The following SPOCK3 variants were observed in gnomAD, a reference collection of about 807,000 sequenced individuals.
SPOCK3 encodes the protein SPARC (osteonectin), cwcv and kazal like domains proteoglycan 3.
A neutral mutation model predicts 56.6 loss-of-function variants in SPOCK3; 30 were observed. That is an observed-to-expected ratio of 0.53 (90% CI 0.40 to 0.72). The LOEUF (loss-of-function observed/expected upper bound fraction) is 0.72. SPOCK3 is among the 30% of genes least tolerant of loss of function. The pLI, the probability that SPOCK3 is intolerant of heterozygous loss-of-function variation, is 0.00. For synonymous variants in SPOCK3, 196 were observed against 183.3 expected (o/e 1.07, Z -0.56); for missense variants, 527 against 530.0 (o/e 0.99, Z 0.06).
At chr4:166,855,865 G>T (rs539887871) in intron 6 of SPOCK3, among the ~76,000 whole-genome samples, 1 of 152,078 alleles carries the variant, frequency 6.6e-6, no homozygotes, top group Non-Finnish European at 1.5e-5. Flanking sequence ...CTGATTATCT[G>T]GGGAACACAT....
At chr4:166,821,419 G>T (rs1187597658) in intron 6 of SPOCK3, among the ~76,000 whole-genome samples, 1 of 151,980 alleles carries the variant, frequency 6.6e-6, no homozygotes, top group Non-Finnish European at 1.5e-5. Context: ...TAAACTTGCT[G>T]TATGACTCAA....
chr4:166,847,511 G>A (rs1748175669), intron 6 of SPOCK3, among the ~76,000 whole-genome samples: 1 of 151,492 alleles, frequency 6.6e-6, no homozygotes, highest in African/African-American at 2.4e-5. Context: ...TGGACACAGT[G>A]TTGTGATGGT....
At chr4:167,097,194 T>C (rs1759235205) in intron 2 of SPOCK3, among the ~76,000 whole-genome samples, 1 of 151,900 alleles carries the variant, frequency 6.6e-6, no homozygotes, top group African/African-American at 2.4e-5. Context: ...GGGCTTTGGG[T>C]TAATATCTAA....
chr4:167,228,415 A>T (rs1736811732), intron 2 of SPOCK3, among the ~76,000 whole-genome samples: 1 of 152,108 alleles, frequency 6.6e-6, no homozygotes, highest in Non-Finnish European at 1.5e-5. Context: ...GCTTCTCTTT[A>T]ATTTCTGTTA....
chr4:166,745,674 G>A (rs149257224), intron 8 of SPOCK3, among the ~76,000 whole-genome samples: 32,333 of 152,048 alleles, frequency 0.21, 4,158 homozygotes, highest in South Asian at 0.32. Context: ...AAATGCCCCA[G>A]TTAAAAGACA....
intron 4 of SPOCK3, among the ~76,000 whole-genome samples, chr4:166,977,792 T>C (rs1024929850): frequency 2.6e-5 from 4 of 152,086 alleles, no homozygotes; most frequent in Admixed American, 2.0e-4. Context: ...AATCTTCCAT[T>C]AGTTGGGAAG....
intron 4 of SPOCK3, among the ~76,000 whole-genome samples, chr4:166,964,673 G>A (rs1009125371): frequency 4.6e-5 from 7 of 151,590 alleles, no homozygotes; most frequent in East Asian, 1.9e-4. Context: ...GGGAAGGCAC[G>A]CAAATCTACT....
chr4:167,046,983 T>C (rs1753791384), intron 3 of SPOCK3, among the ~76,000 whole-genome samples: 1 of 152,166 alleles, frequency 6.6e-6, no homozygotes, highest in Admixed American at 6.5e-5. Context: ...GATATTTATC[T>C]GCAACGGTAC....
At chr4:167,011,162 C>T in intron 3 of SPOCK3, 1 of 396,350 alleles carries the variant, frequency 2.5e-6, no homozygotes. Flanking sequence ...TTGAGAGCTG[C>T]ACCTAAAATA....
chr4:166,857,406 G>A (rs1370499683), intron 6 of SPOCK3, among the ~76,000 whole-genome samples: 1 of 152,266 alleles, frequency 6.6e-6, no homozygotes, highest in South Asian at 2.1e-4. Context: ...GCTGGACAGA[G>A]ACCTTCAGAA....
At chr4:166,871,455 A>G (rs1278510021) in intron 6 of SPOCK3, among the ~76,000 whole-genome samples, 1 of 152,134 alleles carries the variant, frequency 6.6e-6, no homozygotes, top group East Asian at 1.9e-4. Context: ...TGATAATTTT[A>G]GTAAAACAAA....
chr4:167,062,838 T>C (rs1392056074), intron 2 of SPOCK3, among the ~76,000 whole-genome samples: 1 of 151,852 alleles, frequency 6.6e-6, no homozygotes, highest in Non-Finnish European at 1.5e-5. Context: ...TTGCCACTTC[T>C]CCTAAATATT....
intron 3 of SPOCK3, among the ~76,000 whole-genome samples, chr4:167,059,090 G>A: frequency 6.6e-6 from 1 of 151,924 alleles, no homozygotes. Flanking sequence ...CATAGGCATG[G>A]GCAAGGACTT....
chr4:166,819,848 T>C (rs1454201813), intron 6 of SPOCK3, among the ~76,000 whole-genome samples: 4 of 151,822 alleles, frequency 2.6e-5, no homozygotes, highest in Admixed American at 2.0e-4. Context: ...GCTTTCCAAG[T>C]AGATGGGACT....
intron 2 of SPOCK3, among the ~76,000 whole-genome samples, chr4:167,106,906 G>C (rs982226423): frequency 1.3e-5 from 2 of 151,518 alleles, no homozygotes; most frequent in Non-Finnish European, 3.0e-5. Context: ...GAAAATCTAG[G>C]AGAAATAGAT....
At chr4:167,194,852 G>A (rs1039863907) in intron 2 of SPOCK3, among the ~76,000 whole-genome samples, 1 of 152,160 alleles carries the variant, frequency 6.6e-6, no homozygotes, top group African/African-American at 2.4e-5. Context: ...AAGACATGGG[G>A]ACTGTTACCA....
intron 2 of SPOCK3, among the ~76,000 whole-genome samples, chr4:167,173,910 T>C (rs1414186742): frequency 6.6e-6 from 1 of 152,140 alleles, no homozygotes; most frequent in Non-Finnish European, 1.5e-5. Context: ...AAATGCTTCA[T>C]TGATGGAGTT....
intron 4 of SPOCK3, among the ~76,000 whole-genome samples, chr4:166,962,133 G>A (rs1198432296): frequency 6.6e-6 from 1 of 152,044 alleles, no homozygotes. Flanking sequence ...GGACCCTTAT[G>A]ATTACTATGA....
chr4:167,016,014 C>T (rs1750587067), intron 3 of SPOCK3, among the ~76,000 whole-genome samples: 1 of 152,016 alleles, frequency 6.6e-6, no homozygotes, highest in Non-Finnish European at 1.5e-5. Flanking sequence ...TCCAAATATT[C>T]AAAATGTTCA....
Sources: allele counts gnomAD v4.1 joint callset (sites outside exome capture counted in the v4.1 genomes callset), GRCh38; gene constraint gnomAD v4.1.1; transcripts MANE v1.5; gene names NCBI Gene and HGNC (gene_info 2026-07-23, HGNC 2026-07-21).